MYO3B: variants seen among roughly 807,000 people sequenced by gnomAD.
MYO3B encodes the protein myosin-IIIb.
Under a neutral mutation model 174.6 loss-of-function variants are expected in MYO3B, and 156 were observed. The ratio of observed to expected loss-of-function variants is 0.89; its 90% CI spans 0.78 to 1.02. The LOEUF is 1.02. MYO3B is among the 50% of genes least tolerant of loss of function. MYO3B has a pLI of 0.00. For missense variants in MYO3B, 1,632 were observed against 1,639.4 expected, an observed-to-expected ratio of 1.00 and a Z score of 0.08; for synonymous variants, 563 against 569.1, an observed-to-expected ratio of 0.99 and a Z score of 0.15.
At chr2:170,605,706 A>G (rs1425911299) in intron 32 of MYO3B, among the ~76,000 whole-genome samples, 1 of 152,138 alleles carries the variant, frequency 6.6e-6, no homozygotes, top group African/African-American at 2.4e-5. Flanking sequence ...AAAATACAAA[A>G]AAAATTAGCC....
chr2:170,311,436 T>G (rs953631973), intron 7 of MYO3B, among the ~76,000 whole-genome samples: 1 of 151,850 alleles, frequency 6.6e-6, no homozygotes, highest in African/African-American at 2.4e-5. Context: ...TATTCATGTT[T>G]TTTGGCCACT....
intron 16 of MYO3B, among the ~76,000 whole-genome samples, chr2:170,399,601 C>T (rs2094462759): frequency 6.6e-6 from 1 of 151,682 alleles, no homozygotes; most frequent in African/African-American, 2.4e-5. Flanking sequence ...CTATATATTC[C>T]ATCATTTAAC....
chr2:170,331,104 A>G (rs10169392), intron 7 of MYO3B, among the ~76,000 whole-genome samples: 21,584 of 152,158 alleles, frequency 0.14, 3,010 homozygotes, highest in African/African-American at 0.36. Flanking sequence ...AAAGGCCCTG[A>G]GGCATGAAAG....
chr2:170,419,490 A>G (rs551692419), intron 22 of MYO3B, among the ~76,000 whole-genome samples: 6 of 152,272 alleles, frequency 3.9e-5, no homozygotes, highest in African/African-American at 1.2e-4. Flanking sequence ...TAAAAACCCT[A>G]TCTCCAAATA....
intron 32 of MYO3B, among the ~76,000 whole-genome samples, chr2:170,649,385 ATATAAAAATAT>A (rs1698819404): frequency 1.5e-5 from 1 of 68,736 alleles, no homozygotes; most frequent in African/African-American, 5.5e-5. Context: ...TAAATATATT[ATATAAAAATAT>A]AAAATATAAA....
intron 25 of MYO3B, among the ~76,000 whole-genome samples, chr2:170,498,141 A>C (rs1348535859): frequency 6.6e-6 from 1 of 152,202 alleles, no homozygotes; most frequent in African/African-American, 2.4e-5. Context: ...CAGAATCAGT[A>C]GTGTTAGGCT....
chr2:170,368,758 T>G (rs1006107070), intron 8 of MYO3B, among the ~76,000 whole-genome samples: 1 of 152,220 alleles, frequency 6.6e-6, no homozygotes, highest in African/African-American at 2.4e-5. Flanking sequence ...TTTTTCCTTT[T>G]AACACCTAGA....
chr2:170,409,309 AG>A (rs1263950250), intron 22 of MYO3B, among the ~76,000 whole-genome samples: 1 of 152,228 alleles, frequency 6.6e-6, no homozygotes, highest in African/African-American at 2.4e-5. Context: ...CGGGAGGAAC[AG>A]GAACAAAGAG....
chr2:170,263,862 G>A (rs745903518), intron 7 of MYO3B, among the ~76,000 whole-genome samples: 1 of 152,126 alleles, frequency 6.6e-6, no homozygotes, highest in Non-Finnish European at 1.5e-5. Context: ...CCCTTTACCG[G>A]TATCTCGGGC....
Position 170,652,098 on chromosome 2 carries a change from C to G in MYO3B, c.3841-10C>G, listed in dbSNP as rs776268977. The G allele has an allele frequency of 7.4e-6, 12 of 1,611,208 alleles. No homozygotes were observed. In the East Asian group the frequency reaches 2.5e-4, roughly 33 times the overall value. On this transcript the variant is annotated splice_polypyrimidine_tract_variant and intron_variant, in intron 33 of 34. Transcript: ENST00000408978. ...TTGCTTTGACTGTGTGTTCTTGGCCCTCTCCACAGGGAACTCTAGAATATC... is the reference window on the plus strand; with the variant it reads ...TTGCTTTGACTGTGTGTTCTTGGCCGTCTCCACAGGGAACTCTAGAATATC...
intron 6 of MYO3B, among the ~76,000 whole-genome samples, chr2:170,219,508 G>T (rs556659615): frequency 2.0e-5 from 3 of 152,106 alleles, no homozygotes; most frequent in Non-Finnish European, 2.9e-5. Flanking sequence ...GCTGGGTGTG[G>T]TAGTACACAC....
At chr2:170,521,720 A>G (rs191117700) in intron 30 of MYO3B, among the ~76,000 whole-genome samples, 100 of 151,690 alleles carry the variant, frequency 6.6e-4, no homozygotes, top group African/African-American at 2.2e-3. Flanking sequence ...ACCTCCCCCC[A>G]TACTAAAAAA....
intron 25 of MYO3B, among the ~76,000 whole-genome samples, chr2:170,485,071 G>A (rs1168496363): frequency 6.6e-6 from 1 of 151,992 alleles, no homozygotes; most frequent in Admixed American, 6.6e-5. Flanking sequence ...ATTTTAAAAT[G>A]GGAAAAGCGT....
At chr2:170,605,859 A>G (rs1481350639) in intron 32 of MYO3B, among the ~76,000 whole-genome samples, 5 of 150,934 alleles carry the variant, frequency 3.3e-5, no homozygotes, top group African/African-American at 7.3e-5. Context: ...GACTCCATCT[A>G]AAAAAAAAGA....
At chr2:170,328,825 A>T (rs1447748647) in intron 7 of MYO3B, among the ~76,000 whole-genome samples, 1 of 152,168 alleles carries the variant, frequency 6.6e-6, no homozygotes, top group East Asian at 1.9e-4. Flanking sequence ...TGTGGTGTAT[A>T]ATCCCATTTC....
At chr2:170,234,541 G>A (rs1414212983) in intron 6 of MYO3B, among the ~76,000 whole-genome samples, 4 of 152,202 alleles carry the variant, frequency 2.6e-5, no homozygotes, top group Non-Finnish European at 5.9e-5. Context: ...TGGGAGGCAT[G>A]TTCAGACCAT....
rs753779306 is a variant in MYO3B, at chr2:170,651,655, A to G, written c.3761A>G (p.His1254Arg). Residue 1254 changes from histidine (H) to arginine (R), a missense_variant, in exon 33 of 35, where the codon CAT (histidine) becomes CGT (arginine). Coordinates refer to ENST00000408978, the MANE Select transcript of MYO3B (RefSeq NM_138995.5). Reference protein sequence around the residue: ...PGSENGLAQKHRTPRRRCQQP... With the variant: ...PGSENGLAQKRRTPRRRCQQP... ...TCAGAAAATGGTCTTGCACAGAAGC[A>G]TCGAACACCTCGCCGACGATGTCAG... is the stretch of plus-strand genomic sequence containing the variant. 1.9e-6 allele frequency: 3 copies of G among 1,614,188 alleles called. No individual in the cohort carries two copies. Among genetic ancestry groups the G allele is most frequent in the Admixed American group, 3.3e-5 (2 of 60,012 alleles).
At chr2:170,202,327 T>TA (rs2092670811) in intron 3 of MYO3B, among the ~76,000 whole-genome samples, 1 of 152,212 alleles carries the variant, frequency 6.6e-6, no homozygotes, top group South Asian at 2.1e-4. Flanking sequence ...AAGTGGGTGA[T>TA]ATGAGATACT....
chr2:170,398,748 G>A (rs544671672), intron 16 of MYO3B, among the ~76,000 whole-genome samples: 16 of 152,242 alleles, frequency 1.1e-4, no homozygotes, highest in African/African-American at 2.4e-4. Context: ...TAGTCCCTCC[G>A]TATATGTGAG....
Sources: allele counts gnomAD v4.1 joint callset (sites outside exome capture counted in the v4.1 genomes callset), GRCh38; gene constraint gnomAD v4.1.1; transcripts MANE v1.5; gene names NCBI Gene and HGNC (gene_info 2026-07-23, HGNC 2026-07-21).